Variants in CDC37L1 observed in about 807,000 individuals in gnomAD.
CDC37L1 encodes hsp90 co-chaperone Cdc37-like 1.
CDC37L1 carries 32 observed loss-of-function variants against 45.9 expected under a neutral mutation model. That is an observed-to-expected ratio of 0.70 (90% CI 0.53 to 0.94). CDC37L1 has a LOEUF of 0.94. Among genes scored for constraint, CDC37L1 ranks in the 40% least tolerant of loss-of-function variants. CDC37L1 has a pLI of 0.00. For missense variants in CDC37L1, 434 were observed against 405.7 expected, an observed-to-expected ratio of 1.07 and a Z score of -0.60; for synonymous variants, 150 against 133.0, an observed-to-expected ratio of 1.13 and a Z score of -0.88.
chr9:4,698,388 T>A (rs1841366963), intron 5 of CDC37L1, among the ~76,000 whole-genome samples: 1 of 150,904 alleles, frequency 6.6e-6, no homozygotes, highest in African/African-American at 2.4e-5. Flanking sequence ...TTTATGGAAC[T>A]TTTGTAATGA....
At chr9:4,697,953 A>G (rs1216587497) in intron 5 of CDC37L1, 74 bp downstream of exon 5, 1 of 1,393,204 alleles carries the variant, frequency 7.2e-7, no homozygotes, top group Non-Finnish European at 9.9e-7. Context: ...GTTCATATCA[A>G]TAGAAGGCAT....
At chr9:4,688,412 ATATATTGTC>A in intron 2 of CDC37L1, 92 bp from the exon 3 acceptor site, 1 of 651,490 alleles carries the variant, frequency 1.5e-6, no homozygotes, top group African/African-American at 1.9e-5. Context: ...ACTATACCAC[ATATATTGTC>A]TATAGGAAGA....
At position 4,701,946 on chromosome 9, in the gene CDC37L1, A is replaced by C; in HGVS notation, c.830A>C (p.Gln277Pro). 1 of 1,594,030 alleles carries C rather than the reference A, an allele frequency of 6.3e-7. No homozygotes were observed. Residue 277 changes from glutamine to proline, a missense_variant, in exon 6 of 7, where the codon CAA (glutamine) becomes CCA (proline). By Grantham distance (76) the Gln-to-Pro change is moderately conservative. Coordinates refer to ENST00000381854, the MANE Select transcript of CDC37L1 (RefSeq NM_017913.4). ...KSRVRLYSQS[Q>P]SFQPMTVQNH... ...AGAGTAAGACTTTATTCTCAATCAC[A>C]AAGTTTTCAACCTATGACAGTTCAG...
chr9:4,700,000 TAAA>T (rs947992049), intron 5 of CDC37L1, among the ~76,000 whole-genome samples: 1 of 151,370 alleles, frequency 6.6e-6, no homozygotes, highest in Non-Finnish European at 1.5e-5. Context: ...ATTTTTATAT[TAAA>T]AAAAAACTCT....
rs557947572 is a variant in CDC37L1, at chr9:4,686,230, C to G, written c.414+1072C>G. ...CACTCTCATGAACTTTTTTAATTGC[C>G]TTTCCCTGGACCAGCTCTAGTTCTG... is the stretch of plus-strand genomic sequence containing the variant. On this transcript the variant is annotated intron_variant, in intron 2 of 6. Transcript: ENST00000381854. 2.0e-5 allele frequency among the ~76,000 whole-genome samples: 3 copies of G among 152,276 alleles called. No individual in the cohort carries two copies. In the South Asian group the frequency reaches 6.2e-4, roughly 32 times the overall value.
At chr9:4,687,549 C>T (rs1269155388) in intron 2 of CDC37L1, among the ~76,000 whole-genome samples, 4 of 151,844 alleles carry the variant, frequency 2.6e-5, no homozygotes, top group African/African-American at 9.7e-5. Flanking sequence ...TATGGTGGCT[C>T]ACACCTGTAG....
intron 1 of CDC37L1, among the ~76,000 whole-genome samples, chr9:4,683,245 G>C (rs79001639): frequency 6.6e-6 from 1 of 151,460 alleles, no homozygotes; most frequent in Non-Finnish European, 1.5e-5. Flanking sequence ...GTCCACATTT[G>C]TCCCAGTACA....
rs1231938643 is a variant in CDC37L1 at position 4,679,696 on chromosome 9, C to T, written c.-72C>T. The T allele has an allele frequency of 9.1e-6, 13 of 1,430,556 alleles. No homozygotes were observed. The highest frequency in any genetic ancestry group is 1.2e-5 in the Non-Finnish European group (13 of 1,053,364). 88.6% of individuals were successfully genotyped at this position (1,430,556 alleles called of 1,614,324 possible). ...GCTTCTGGCTCGGCGCAGCAGGTTC[C>T]ATTCACGCCAAGTCTGTTGGCAGTG... On this transcript the variant is annotated 5_prime_UTR_variant, in exon 1 of 7. Transcript: ENST00000381854.
At chr9:4,683,884 T>A (rs1841221357) in intron 1 of CDC37L1, among the ~76,000 whole-genome samples, 1 of 152,222 alleles carries the variant, frequency 6.6e-6, no homozygotes, top group African/African-American at 2.4e-5. Flanking sequence ...TATAGGGTAT[T>A]GAATGTCTAT....
At position 4,688,727 on chromosome 9, in the gene CDC37L1, C is replaced by G. The variant is rs1238548585; in HGVS notation, c.508+121C>G. The G allele has an allele frequency of 9.9e-6, 6 of 603,690 alleles. No individual in the cohort carries two copies. In the East Asian group the frequency reaches 1.4e-4, roughly 14 times the overall value. 37.4% of individuals were successfully genotyped at this position (603,690 alleles called of 1,614,324 possible). On this transcript the variant is annotated intron_variant, in intron 3 of 6. Coordinates refer to ENST00000381854, the MANE Select transcript of CDC37L1 (RefSeq NM_017913.4). ...GTGGCAAACTCCAATTTTGTAGCTT[C>G]TGGCACAGCTGTATAGATCTTGTTT... is the stretch of plus-strand genomic sequence containing the variant.
At chr9:4,691,523 T>A (rs1158319352) in intron 3 of CDC37L1, among the ~76,000 whole-genome samples, 1 of 152,178 alleles carries the variant, frequency 6.6e-6, no homozygotes, top group Non-Finnish European at 1.5e-5. Context: ...AAGCTTCCAG[T>A]TGGAGGCTTT....
At chr9:4,686,052 T>C (rs1841243981) in intron 2 of CDC37L1, among the ~76,000 whole-genome samples, 1 of 152,172 alleles carries the variant, frequency 6.6e-6, no homozygotes, top group African/African-American at 2.4e-5. Context: ...ATTGCCTTAG[T>C]CCCAGCTACT....
chr9:4,693,092 C>G (rs367147), intron 3 of CDC37L1, among the ~76,000 whole-genome samples: 93,593 of 151,934 alleles, frequency 0.62, 30,816 homozygotes, highest in African/African-American at 0.85. Flanking sequence ...TCACAAACTA[C>G]CTGGGAGATT....
chr9:4,703,622 CATAATG>C (rs772135632), intron 6 of CDC37L1, among the ~76,000 whole-genome samples: 1 of 152,100 alleles, frequency 6.6e-6, no homozygotes, highest in Non-Finnish European at 1.5e-5. Flanking sequence ...TAAAATGTCA[CATAATG>C]CATGGGAAGG....
chr9:4,702,042 G>C lies in CDC37L1; in HGVS notation c.912+14G>C. 7.7e-7 allele frequency: 1 copy of C among 1,294,178 alleles called. No individual in the cohort carries two copies. The highest frequency in any genetic ancestry group is 2.2e-5 in the South Asian group (1 of 45,250). The allele number at this position is 1,294,178 out of a possible 1,614,324, so 80.2% of individuals were successfully genotyped here. On this transcript the variant is annotated intron_variant, in intron 6 of 6. Transcript: ENST00000381854. ...TCCTTACCACAGGTAAGTTGGAAAA[G>C]TAAATATTTGTTTTATAAGCCTATT...
At chr9:4,681,110 A>G (rs1841188636) in intron 1 of CDC37L1, among the ~76,000 whole-genome samples, 1 of 152,224 alleles carries the variant, frequency 6.6e-6, no homozygotes, top group Admixed American at 6.5e-5. Flanking sequence ...TTATAAGCAC[A>G]TGATGTGCTA....
At position 4,679,810 on chromosome 9, in the gene CDC37L1, C is replaced by T. The variant is rs757309428; in HGVS notation, c.43C>T (p.Arg15Trp). ...WPPPGPWSLP[R>W]AEGEAEEESD... Reference sequence around the variant, plus strand: ...GCCTCCGGGACCCTGGAGCCTCCCTCGGGCCGAGGGTGAGGCTGAGGAAGA... The same window carrying T: ...GCCTCCGGGACCCTGGAGCCTCCCTTGGGCCGAGGGTGAGGCTGAGGAAGA... Residue 15 changes from arginine (R) to tryptophan (W), a missense_variant, in exon 1 of 7, where the codon CGG becomes TGG. By Grantham distance (101) the Arg-to-Trp change is moderately radical. Coordinates refer to ENST00000381854, the MANE Select transcript of CDC37L1 (RefSeq NM_017913.4). 5.0e-6 allele frequency: 8 copies of T among 1,613,706 alleles called. No homozygotes were observed. The Admixed American group carries it at 6.7e-5, about 13-fold the overall frequency.
At position 4,701,856 on chromosome 9, in the gene CDC37L1, T is replaced by G. The variant is rs1172120007; in HGVS notation, c.748-8T>G. ...CACAGTCTTTGTTTTTTTTTTTGTTTTTTCTAGGCAGAGGAAGAAGGTTAT... is the reference window on the plus strand; with the variant it reads ...CACAGTCTTTGTTTTTTTTTTTGTTGTTTCTAGGCAGAGGAAGAAGGTTAT... On this transcript the variant is annotated splice_region_variant and splice_polypyrimidine_tract_variant and intron_variant, in intron 5 of 6. Transcript: ENST00000381854. The G allele has an allele frequency of 6.3e-6, 10 of 1,586,416 alleles. No individual in the cohort carries two copies. Among genetic ancestry groups the G allele is most frequent in the Non-Finnish European group, 8.5e-6 (10 of 1,171,156 alleles).
chr9:4,679,887 C>T lies in CDC37L1; in HGVS notation c.120C>T (p.Gly40=), dbSNP rs1369101110. ...CTCCCCGCTGCCCGCAGCTGCCAGG[C>T]GGCGGCGCCCAGGTGAGAAGGGGCC... The part of the protein sequence containing the change: ...PSSPRCPQLP[G]GGAQMYSHGI... The change falls in exon 1 of 7, where the codon GGC becomes GGT. Residue 40 remains glycine, a synonymous_variant. Coordinates refer to ENST00000381854, the MANE Select transcript of CDC37L1 (RefSeq NM_017913.4). 3.1e-6 allele frequency: 5 copies of T among 1,613,736 alleles called. No individual in the cohort carries two copies. The highest frequency in any genetic ancestry group is 4.2e-6 in the Non-Finnish European group (5 of 1,179,890).
Sources: allele counts gnomAD v4.1 joint callset (sites outside exome capture counted in the v4.1 genomes callset), GRCh38; gene constraint gnomAD v4.1.1; transcripts MANE v1.5; gene names NCBI Gene and HGNC (gene_info 2026-07-23, HGNC 2026-07-21).